The following PHACTR4 variants were observed in gnomAD, a reference collection of about 807,000 sequenced individuals.
PHACTR4 encodes the protein protein phosphatase 1, regulatory subunit 124.
A neutral mutation model predicts 72.7 loss-of-function variants in PHACTR4; 51 were observed. The ratio of observed to expected loss-of-function variants is 0.70; its 90% CI spans 0.56 to 0.89. The LOEUF (loss-of-function observed/expected upper bound fraction) is 0.89, where lower values mean the gene tolerates loss of function less well. PHACTR4 is among the 40% of genes least tolerant of loss of function. The pLI, the probability that PHACTR4 is intolerant of heterozygous loss-of-function variation, is 0.00. For missense variants in PHACTR4, 731 were observed against 861.8 expected (o/e 0.85, Z 1.90); for synonymous variants, 255 against 302.5 (o/e 0.84, Z 1.63).
chr1:28,422,882 G>A (rs1320934570), intron 2 of PHACTR4, among the ~76,000 whole-genome samples: 2 of 152,210 alleles, frequency 1.3e-5, no homozygotes, highest in African/African-American at 4.8e-5. Context: ...CACCTCCCGG[G>A]TTCAAGCAAT....
rs1553202245 is a variant in PHACTR4 at position 28,476,125 on chromosome 1, A to G, written c.1440A>G (p.Glu480=). Residue 480 remains glutamate (E), a synonymous_variant, in exon 8 of 14, where the codon GAA becomes GAG. Transcript: ENST00000373839. The part of the protein sequence containing the change: ...EMLKVPDDEE[E]EEQTCPSTFS... ...TTGTTAGTCCAGACGATGAAGAAGAAGAGGAGCAAACCTGTCCATCCACAT... is the reference window on the plus strand; with the variant it reads ...TTGTTAGTCCAGACGATGAAGAAGAGGAGGAGCAAACCTGTCCATCCACAT... The G allele has an allele frequency of 1.2e-6, 2 of 1,604,342 alleles. No homozygotes were observed. Among genetic ancestry groups the G allele is most frequent in the East Asian group, 2.2e-5 (1 of 44,812 alleles).
At chr1:28,430,685 C>T (rs1434331031) in intron 2 of PHACTR4, among the ~76,000 whole-genome samples, 1 of 152,116 alleles carries the variant, frequency 6.6e-6, no homozygotes, top group Non-Finnish European at 1.5e-5. Context: ...TGACTTCTTC[C>T]TAACCCCTCA....
At chr1:28,425,898 A>C (rs1039821231) in intron 2 of PHACTR4, among the ~76,000 whole-genome samples, 1 of 152,182 alleles carries the variant, frequency 6.6e-6, no homozygotes, top group Non-Finnish European at 1.5e-5. Context: ...TAGTTTCTAC[A>C]CATCAGTGAT....
At chr1:28,443,273 CT>C (rs1657174264) in intron 2 of PHACTR4, among the ~76,000 whole-genome samples, 4 of 65,228 alleles carry the variant, frequency 6.1e-5, no homozygotes, top group African/African-American at 2.4e-4. Context: ...GTCTTTCTTT[CT>C]CTCTCTCTCT....
chr1:28,393,316 C>T (rs1653205823), intron 1 of PHACTR4, among the ~76,000 whole-genome samples: 1 of 152,160 alleles, frequency 6.6e-6, no homozygotes, highest in African/African-American at 2.4e-5. Context: ...AGGGTTCATC[C>T]TTCCACTATG....
chr1:28,430,944 G>A (rs1229446254), intron 2 of PHACTR4, among the ~76,000 whole-genome samples: 4 of 151,952 alleles, frequency 2.6e-5, no homozygotes, highest in East Asian at 1.9e-4. Flanking sequence ...TTGGGAGGCC[G>A]AGGCAGGCGG....
chr1:28,383,491 G>A (rs948680899), intron 1 of PHACTR4, among the ~76,000 whole-genome samples: 1 of 152,012 alleles, frequency 6.6e-6, no homozygotes, highest in Non-Finnish European at 1.5e-5. Context: ...GGCATGGGAC[G>A]TTTTTCCATT....
At chr1:28,370,610 G>GAAAAAAAAA (rs1651163333) in intron 1 of PHACTR4, among the ~76,000 whole-genome samples, 2 of 68,026 alleles carry the variant, frequency 2.9e-5, no homozygotes, top group African/African-American at 2.0e-4. Context: ...CTGATTGCTT[G>GAAAAAAAAA]CAAAAAAAAA....
At chr1:28,371,557 A>T (rs1404935138) in intron 1 of PHACTR4, among the ~76,000 whole-genome samples, 1 of 152,102 alleles carries the variant, frequency 6.6e-6, no homozygotes, top group South Asian at 2.1e-4. Flanking sequence ...GGTCTCCCAA[A>T]GTGCTGGGAT....
chr1:28,388,156 C>T (rs972957879), intron 1 of PHACTR4, among the ~76,000 whole-genome samples: 2 of 151,578 alleles, frequency 1.3e-5, no homozygotes, highest in African/African-American at 2.4e-5. Context: ...TGCCATTATG[C>T]TGCAGCCTGG....
chr1:28,419,922 T>C (rs1655403775), intron 2 of PHACTR4, among the ~76,000 whole-genome samples: 1 of 152,200 alleles, frequency 6.6e-6, no homozygotes, highest in Admixed American at 6.5e-5. Context: ...TATATCCTTC[T>C]AGTTCATTTT....
chr1:28,466,138 G>T (rs1157658114), intron 5 of PHACTR4, among the ~76,000 whole-genome samples: 1 of 152,060 alleles, frequency 6.6e-6, no homozygotes, highest in Non-Finnish European at 1.5e-5. Flanking sequence ...ATTTTGTTGT[G>T]GCTCTCCTCC....
chr1:28,485,606 T>C (rs1182352285), intron 9 of PHACTR4, among the ~76,000 whole-genome samples: 1 of 138,604 alleles, frequency 7.2e-6, no homozygotes, highest in Non-Finnish European at 1.5e-5. Context: ...CAGTCAATAG[T>C]TAATACTGTA....
chr1:28,425,087 C>T lies in PHACTR4; in HGVS notation c.16+17624C>T, dbSNP rs377486919. Among the ~76,000 whole-genome samples the T allele has an allele frequency of 2.3e-4, 35 of 151,878 alleles. No individual in the cohort carries two copies. The South Asian group carries it at 7.3e-3, about 32-fold the overall frequency. Reference sequence around the variant, plus strand: ...GGATTATAGGCATGAGCTACCACGCCCAGCCTTATTTTTTAAATTTTATTT... The same window carrying T: ...GGATTATAGGCATGAGCTACCACGCTCAGCCTTATTTTTTAAATTTTATTT... On this transcript the variant is annotated intron_variant, in intron 2 of 13. Coordinates refer to ENST00000373839, the MANE Select transcript of PHACTR4 (RefSeq NM_001048183.3).
intron 12 of PHACTR4, 130 bp from the exon 13 acceptor site, chr1:28,492,885 C>T (rs1661125637): frequency 3.0e-6 from 2 of 661,782 alleles, no homozygotes; most frequent in South Asian, 2.0e-5. Flanking sequence ...TTGTGTTGAC[C>T]TGGTGTCTGG....
At chr1:28,379,793 G>A (rs1241799694) in intron 1 of PHACTR4, among the ~76,000 whole-genome samples, 1 of 150,426 alleles carries the variant, frequency 6.6e-6, no homozygotes, top group Non-Finnish European at 1.5e-5. Context: ...GTTTCACCGT[G>A]TTAGCCAGGA....
At chr1:28,491,846 G>C in intron 12 of PHACTR4, 59 bp downstream of exon 12, 2 of 1,559,444 alleles carry the variant, frequency 1.3e-6, no homozygotes, top group Admixed American at 2.0e-5. Flanking sequence ...TTATTTGGAG[G>C]ATCCAAGATA....
At chr1:28,430,552 A>G (rs1656188088) in intron 2 of PHACTR4, among the ~76,000 whole-genome samples, 1 of 152,182 alleles carries the variant, frequency 6.6e-6, no homozygotes, top group Admixed American at 6.5e-5. Flanking sequence ...CATGGGGTAA[A>G]GAAAAGAAAG....
chr1:28,478,226 G>T (rs1164663037), intron 8 of PHACTR4, among the ~76,000 whole-genome samples: 1 of 152,144 alleles, frequency 6.6e-6, no homozygotes, highest in African/African-American at 2.4e-5. Flanking sequence ...GCACATAACA[G>T]GATTTCTTTC....
Sources: gnomAD v4.1 joint callset for allele counts (sites outside exome capture counted in the v4.1 genomes callset) on GRCh38, gnomAD v4.1.1 for gene constraint, MANE v1.5 for transcripts, NCBI Gene and HGNC (gene_info 2026-07-23, HGNC 2026-07-21) for gene names.